The following ACSBG1 variants were observed in gnomAD, a reference collection of about 807,000 sequenced individuals.
ACSBG1 encodes acyl-CoA synthetase bubblegum family member 1.
A neutral mutation model predicts 80.2 loss-of-function variants in ACSBG1; 39 were observed. That is an observed-to-expected ratio of 0.49 (90% CI 0.38 to 0.64). ACSBG1 has a LOEUF of 0.64. ACSBG1 is among the 30% of genes least tolerant of loss of function. The probability of loss-of-function intolerance (pLI) is 0.00; values close to 1 mark genes in which losing one functional copy is unlikely to be tolerated. For missense variants in ACSBG1, 828 were observed against 966.4 expected, an observed-to-expected ratio of 0.86 and a Z score of 1.90; for synonymous variants, 392 against 379.5, an observed-to-expected ratio of 1.03 and a Z score of -0.38.
chr15:78,191,788 C>T (rs1342575949), intron 5 of ACSBG1, among the ~76,000 whole-genome samples: 7 of 152,076 alleles, frequency 4.6e-5, no homozygotes, highest in Non-Finnish European at 1.0e-4. Context: ...CCTCTTGAGG[C>T]GGTGCATTAT....
chr15:78,179,338 G>C (rs2074916711), intron 10 of ACSBG1, among the ~76,000 whole-genome samples: 1 of 152,244 alleles, frequency 6.6e-6, no homozygotes, highest in South Asian at 2.1e-4. Context: ...CGACACGGTG[G>C]CAGAGGCCAC....
At chr15:78,194,810 G>A in intron 2 of ACSBG1, 84 bp from the exon 3 acceptor site, 1 of 1,399,884 alleles carries the variant, frequency 7.1e-7, no homozygotes, top group Non-Finnish European at 9.8e-7. Context: ...CAGCCCGTCT[G>A]GTGCTGACAA....
In ACSBG1 at chr15:78,178,929, G is replaced by T; in HGVS notation, c.1485-98C>A. On this transcript the variant is annotated intron_variant, in intron 10 of 13. Transcript: ENST00000258873. The surrounding 1 kb of genome is among the most constrained non-coding windows in gnomAD (Gnocchi z 4.3). ...CCCAACTGCTCGGTCTTCACTGATT[G>T]CTAGAAGGTATCCCCTCACAGGGCT... is the stretch of plus-strand genomic sequence containing the variant. 1 of 1,226,744 alleles carries T rather than the reference G, an allele frequency of 8.2e-7. No individual in the cohort carries two copies. The highest frequency in any genetic ancestry group is 1.1e-6 in the Non-Finnish European group (1 of 899,880). The allele number at this position is 1,226,744 out of a possible 1,614,324, so 76.0% of individuals were successfully genotyped here. A position where few individuals can be genotyped will look rare whatever the true frequency, so the allele number is the denominator to read the frequency against.
Position 78,194,002 on chromosome 15 carries a change from G to T in ACSBG1, c.472C>A (p.His158Asn), listed in dbSNP as rs147836038. The T allele has an allele frequency of 4.1e-4, 663 of 1,613,884 alleles. No homozygotes were observed. Among genetic ancestry groups the T allele is most frequent in the Non-Finnish European group, 5.5e-4 (646 of 1,180,020 alleles). The change falls in exon 4 of 14, where the codon CAC becomes AAC. Residue 158 changes from histidine to asparagine, a missense_variant. His to Asn is a moderately conservative substitution (Grantham distance 68, BLOSUM62 1). Transcript: ENST00000258873. Reference protein sequence around the residue: ...GFLKLGLKQAHSVAILGFNSP... With the variant: ...GFLKLGLKQANSVAILGFNSP... ...TTGAAGCCGAGGATGGCCACACTGT[G>T]GGCCTGCTTCAGGCCGAGCTCCAGG...
chr15:78,233,537 T>C (rs1384254012), intron 1 of ACSBG1, among the ~76,000 whole-genome samples: 1 of 152,172 alleles, frequency 6.6e-6, no homozygotes, highest in Non-Finnish European at 1.5e-5. Context: ...TGTCTTGCTT[T>C]GTTAGGTCGT....
intron 8 of ACSBG1, among the ~76,000 whole-genome samples, chr15:78,181,239 T>C (rs1417945399): frequency 6.6e-6 from 1 of 152,160 alleles, no homozygotes; most frequent in Non-Finnish European, 1.5e-5. Flanking sequence ...CTCGGCAGCA[T>C]ATGGTTTGAG....
At chr15:78,221,439 A>G (rs2075358774) in intron 1 of ACSBG1, among the ~76,000 whole-genome samples, 1 of 152,196 alleles carries the variant, frequency 6.6e-6, no homozygotes, top group South Asian at 2.1e-4. Flanking sequence ...AGAGTAACAG[A>G]GCAGTATTTC....
At chr15:78,204,223 T>C (rs1405823218) in intron 2 of ACSBG1, among the ~76,000 whole-genome samples, 9 of 151,518 alleles carry the variant, frequency 5.9e-5, no homozygotes. Context: ...ATGTTCTCTA[T>C]ACGCTTCTCC....
chr15:78,202,982 A>C lies in ACSBG1; in HGVS notation c.232+5020T>G, dbSNP rs536736370. On this transcript the variant is annotated intron_variant, in intron 2 of 13. Transcript: ENST00000258873. ...ATCATGGATTCCCATGCAGCCATTA[A>C]AATAAAGTACAAAAAGAATATTTAA... 2.0e-5 allele frequency among the ~76,000 whole-genome samples: 3 copies of C among 152,356 alleles called. No homozygotes were observed. The South Asian group carries it at 6.2e-4, about 32-fold the overall frequency.
chr15:78,234,304 C>G lies in ACSBG1; in HGVS notation c.131+67G>C. 3 of 1,567,846 alleles carry G rather than the reference C, an allele frequency of 1.9e-6. No individual in the cohort carries two copies. In the Admixed American group the frequency reaches 5.3e-5, roughly 28 times the overall value. On this transcript the variant is annotated intron_variant, in intron 1 of 13. Transcript: ENST00000258873. ...GAGAGAAGCAGCTTGCCCAAGTTCA[C>G]ACAGCAGAGCAAAGTCTAGAACTCG...
intron 1 of ACSBG1, among the ~76,000 whole-genome samples, chr15:78,229,429 G>A (rs573000655): frequency 1.3e-5 from 2 of 152,286 alleles, no homozygotes; most frequent in South Asian, 2.1e-4. Context: ...AGTGACATTC[G>A]CCTTACGATT....
Position 78,173,607 on chromosome 15 carries a change from G to A in ACSBG1, c.2075C>T (p.Ser692Leu), listed in dbSNP as rs745591902. The A allele has an allele frequency of 1.8e-5, 29 of 1,613,994 alleles. No individual in the cohort carries two copies. In the African/African-American group the frequency reaches 3.2e-4, roughly 18 times the overall value. The change falls in exon 13 of 14, where the codon TCG becomes TTG. Residue 692 changes from serine (S) to leucine (L), a missense_variant. Ser to Leu is a moderately radical substitution (Grantham distance 145). Transcript: ENST00000258873. ...GAAAAACCTACCCAACTCTCCACCC[G>A]AAATGGAGAAGTCTCTCTCGAGAAT... ...WAILERDFSI[S>L]GGELGPTMKL...
chr15:78,185,470 A>G (rs566525825), intron 5 of ACSBG1, among the ~76,000 whole-genome samples: 1 of 152,342 alleles, frequency 6.6e-6, no homozygotes, highest in East Asian at 1.9e-4. Context: ...AGCCTTAAAC[A>G]TAGCCTCAAA....
At position 78,193,975 on chromosome 15, in the gene ACSBG1, A is replaced by G; in HGVS notation, c.499T>C (p.Ser167Pro). Residue 167 changes from serine (S) to proline (P), a missense_variant, in exon 4 of 14, where the codon TCC (serine) becomes CCC (proline). Around this residue, in one of 3 missense-constraint regions of ACSBG1, gnomAD observed 356 missense variants for 363.5 expected, o/e 0.98. Transcript: ENST00000258873. Reference protein sequence around the residue: ...AHSVAILGFNSPEWFFSAVGT... With the variant: ...AHSVAILGFNPPEWFFSAVGT... ...ACTGCCGAGAAGAACCACTCCGGGG[A>G]GTTGAAGCCGAGGATGGCCACACTG... is the stretch of plus-strand genomic sequence containing the variant. The G allele has an allele frequency of 6.2e-7, 1 of 1,613,786 alleles. No homozygotes were observed. The highest frequency in any genetic ancestry group is 2.2e-5 in the East Asian group (1 of 44,866).
In ACSBG1 at chr15:78,183,014, A is replaced by C. The variant is rs1238777403; in HGVS notation, c.664-229T>G. 5.2e-6 allele frequency: 3 copies of C among 578,362 alleles called. No homozygotes were observed. In the East Asian group the frequency reaches 8.6e-5, roughly 16 times the overall value. 35.8% of individuals were successfully genotyped at this position (578,362 alleles called of 1,614,324 possible). ...GGGACTGGGGATGACTCCCCATTGA[A>C]GGAAAACCACCAAACAAGCTGGGGC... is the stretch of plus-strand genomic sequence containing the variant. On this transcript the variant is annotated intron_variant, in intron 5 of 13. Coordinates refer to ENST00000258873, the MANE Select transcript of ACSBG1 (RefSeq NM_015162.5).
intron 1 of ACSBG1, among the ~76,000 whole-genome samples, chr15:78,223,668 A>G (rs1307506242): frequency 6.6e-6 from 1 of 152,230 alleles, no homozygotes; most frequent in Non-Finnish European, 1.5e-5. Context: ...TGTCCCTCAC[A>G]AGTTATCCAC....
intron 5 of ACSBG1, among the ~76,000 whole-genome samples, chr15:78,184,333 G>A (rs1222318999): frequency 1.3e-4 from 20 of 150,628 alleles, no homozygotes; most frequent in Admixed American, 1.3e-3. Flanking sequence ...ACCACATGTC[G>A]CTAATTAAAT....
intron 1 of ACSBG1, among the ~76,000 whole-genome samples, chr15:78,233,611 AG>A (rs763302420): frequency 3.9e-4 from 60 of 152,298 alleles, no homozygotes; most frequent in Non-Finnish European, 1.6e-4. Context: ...CGCCCCAGTT[AG>A]AAACCTCCTT....
chr15:78,171,694 A>T, intron 13 of ACSBG1, 165 bp from the exon 14 acceptor site: 2 of 589,930 alleles, frequency 3.4e-6, no homozygotes, highest in Non-Finnish European at 6.1e-6. Flanking sequence ...CCTGGTATTC[A>T]TATGGCTTGT....
Sources: allele counts gnomAD v4.1 joint callset (sites outside exome capture counted in the v4.1 genomes callset), GRCh38; gene constraint gnomAD v4.1.1; regional missense constraint gnomAD v4.1.1; non-coding constraint Gnocchi (gnomAD v3.1); transcripts MANE v1.5; gene names NCBI Gene and HGNC (gene_info 2026-07-23, HGNC 2026-07-21).